Variants in GDF1 observed in about 807,000 individuals in gnomAD.
The protein encoded by GDF1 is growth differentiation factor 1, also known as embryonic growth/differentiation factor 1.
GDF1 carries 8 observed loss-of-function variants against 7.4 expected under a neutral mutation model. The observed-to-expected ratio is 1.09, with a 90% confidence interval of 0.64 to 1.96. The LOEUF (loss-of-function observed/expected upper bound fraction) is 1.96, where lower values mean the gene tolerates loss of function less well. Ranked by LOEUF, GDF1 falls within the 30% of genes most tolerant of loss-of-function variation. The pLI, the probability that GDF1 is intolerant of heterozygous loss-of-function variation, is 0.00. For synonymous variants in GDF1, 311 were observed against 276.7 expected, an observed-to-expected ratio of 1.12 and a Z score of -1.23; for missense variants, 574 against 551.5, an observed-to-expected ratio of 1.04 and a Z score of -0.41.
chr19:18,882,666 AAAGT>A (rs1277340996), intron 3 of GDF1, among the ~76,000 whole-genome samples: 1 of 150,806 alleles, frequency 6.6e-6, no homozygotes, highest in Non-Finnish European at 1.5e-5. Context: ...TAAATAAGAT[AAAGT>A]AATTTTAAAA....
chr19:18,879,110 C>T (rs534280834), intron 5 of GDF1, 71 bp from the exon 6 acceptor site: 2 of 1,588,574 alleles, frequency 1.3e-6, no homozygotes, highest in East Asian at 4.6e-5. Flanking sequence ...CAGCCATGTG[C>T]TCCTGTCCCG....
rs1404753439 is a variant in GDF1, at chr19:18,895,875, G to A, written c.-1125C>T. The A allele has an allele frequency of 7.8e-7, 1 of 1,284,808 alleles. No homozygotes were observed. 79.6% of individuals were successfully genotyped at this position (1,284,808 alleles called of 1,614,324 possible). On this transcript the variant is annotated 5_prime_UTR_variant, in exon 1 of 8. Transcript: ENST00000247005. The surrounding 1 kb of genome is among the most constrained non-coding windows in gnomAD (Gnocchi z 6.4). ...AGCGCAGGGCGGTCCAGCCCAGCGC[G>A]CCGAGCGCCAGCAGCAGCAGCTCGG...
At position 18,870,786 on chromosome 19, in the gene GDF1, C is replaced by T. The variant is rs922217779; in HGVS notation, c.-312-167G>A. 6.6e-6 allele frequency among the ~76,000 whole-genome samples: 1 copy of T among 152,128 alleles called. No individual in the cohort carries two copies. Among genetic ancestry groups the T allele is most frequent in the Non-Finnish European group, 1.5e-5 (1 of 67,996 alleles). On this transcript the variant is annotated intron_variant, in intron 6 of 7. Coordinates refer to ENST00000247005, the MANE Select transcript of GDF1 (RefSeq NM_001492.6). The surrounding 1 kb of genome is among the most constrained non-coding windows in gnomAD (Gnocchi z 5.1). The stretch of plus-strand genomic sequence containing the variant: ...TCGCCTTCACCCTGCCCCTCCTTGC[C>T]TTCACCCTGCCCCTCCTTCAACCTG...
At chr19:18,869,446 G>A (rs1023239483) in intron 7 of GDF1, 56 bp from the exon 8 acceptor site, 3 of 1,514,976 alleles carry the variant, frequency 2.0e-6, no homozygotes, top group Non-Finnish European at 2.6e-6. Flanking sequence ...CTGCCCATGG[G>A]GTCTCGGTTA....
intron 2 of GDF1, among the ~76,000 whole-genome samples, chr19:18,892,239 G>A (rs1169470307): frequency 6.6e-6 from 1 of 151,308 alleles, no homozygotes; most frequent in East Asian, 2.0e-4. Context: ...CAAGCCGAGG[G>A]GACCCTCCCA....
Position 18,870,066 on chromosome 19 carries a change from G to T in GDF1, c.242C>A (p.Thr81Lys). ...PQETRSGSRR[T>K]SPGVTLQPCH... ...CGGTTGCAGGGTGACCCCTGGGGACGTCCGCCGCGAGCCAGACCTGGTCTC... is the reference window on the plus strand; with the variant it reads ...CGGTTGCAGGGTGACCCCTGGGGACTTCCGCCGCGAGCCAGACCTGGTCTC... Residue 81 changes from threonine (T) to lysine (K), a missense_variant, in exon 7 of 8, where the codon ACG (threonine) becomes AAG (lysine). By Grantham distance (78) the Thr-to-Lys change is moderately conservative (BLOSUM62 -1). Transcript: ENST00000247005. This position sits in a 1 kb window ranked among gnomAD's most constrained non-coding sequence, Gnocchi z 5.1. 6.3e-7 allele frequency: 1 copy of T among 1,583,828 alleles called. No individual in the cohort carries two copies. The highest frequency in any genetic ancestry group is 1.8e-5 in the Admixed American group (1 of 56,460).
In GDF1 at chr19:18,878,378, C is replaced by G; in HGVS notation, c.-313+552G>C. On this transcript the variant is annotated intron_variant, in intron 6 of 7. Coordinates refer to ENST00000247005, the MANE Select transcript of GDF1 (RefSeq NM_001492.6). This position sits in a 1 kb window ranked among gnomAD's most constrained non-coding sequence, Gnocchi z 4.6. ...GGTGAGGCTCGTGGGCTATCTCCTT[C>G]CCCAGGACTCCCACCTGGGCTGGAC... 1.0e-6 allele frequency: 1 copy of G among 987,026 alleles called. No individual in the cohort carries two copies. Among genetic ancestry groups the G allele is most frequent in the African/African-American group, 1.7e-5 (1 of 57,294 alleles). The allele number at this position is 987,026 out of a possible 1,614,324, so 61.1% of individuals were successfully genotyped here.
chr19:18,895,504 C>T lies in GDF1; in HGVS notation c.-1074+320G>A, dbSNP rs2056603777. Reference sequence around the variant, plus strand: ...AAACTGACCGGAAAGGGCCGTGCCTCGGTCCCCCACGTCTCAAACATCCCA... The same window carrying T: ...AAACTGACCGGAAAGGGCCGTGCCTTGGTCCCCCACGTCTCAAACATCCCA... On this transcript the variant is annotated intron_variant, in intron 1 of 7. Transcript: ENST00000247005. The surrounding 1 kb of genome is among the most constrained non-coding windows in gnomAD (Gnocchi z 6.4). 6.6e-6 allele frequency among the ~76,000 whole-genome samples: 1 copy of T among 151,862 alleles called. No individual in the cohort carries two copies. The highest frequency in any genetic ancestry group is 2.4e-5 in the African/African-American group (1 of 41,340).
chr19:18,890,697 C>T (rs2056467617), intron 2 of GDF1, among the ~76,000 whole-genome samples: 1 of 149,516 alleles, frequency 6.7e-6, no homozygotes, highest in African/African-American at 2.5e-5. Flanking sequence ...GGGATGATTG[C>T]TTGAGCCCAG....
At chr19:18,891,501 T>C (rs2056490256) in intron 2 of GDF1, among the ~76,000 whole-genome samples, 1 of 152,090 alleles carries the variant, frequency 6.6e-6, no homozygotes, top group African/African-American at 2.4e-5. Flanking sequence ...TGCAGTCACC[T>C]CCCTGCCCAG....
intron 2 of GDF1, among the ~76,000 whole-genome samples, chr19:18,885,772 G>GC (rs1242197163): frequency 1.3e-5 from 2 of 151,850 alleles, no homozygotes; most frequent in Non-Finnish European, 2.9e-5. Context: ...GCCCGCCTCG[G>GC]CCTCCCAAAG....
chr19:18,890,084 A>T (rs1353216153), intron 2 of GDF1, among the ~76,000 whole-genome samples: 1 of 152,128 alleles, frequency 6.6e-6, no homozygotes, highest in Non-Finnish European at 1.5e-5. Flanking sequence ...CCCAGCCCAC[A>T]GATAAGTAAC....
At position 18,878,297 on chromosome 19, in the gene GDF1, C is replaced by A; in HGVS notation, c.-313+633G>T. The A allele has an allele frequency of 1.0e-6, 1 of 985,994 alleles. No individual in the cohort carries two copies. The highest frequency in any genetic ancestry group is 1.1e-4 in the East Asian group (1 of 8,794). The allele number at this position is 985,994 out of a possible 1,614,324, so 61.1% of individuals were successfully genotyped here. Reference sequence around the variant, plus strand: ...CTCCGTTCATCCCTGGCCCAGACACCCCCTGCCTGCCCCAGGCCTGGGGCT... The same window carrying A: ...CTCCGTTCATCCCTGGCCCAGACACACCCTGCCTGCCCCAGGCCTGGGGCT... On this transcript the variant is annotated intron_variant, in intron 6 of 7. Transcript: ENST00000247005. The surrounding 1 kb of genome is among the most constrained non-coding windows in gnomAD (Gnocchi z 4.6).
In GDF1 at chr19:18,880,266, C is replaced by T; in HGVS notation, c.-571+8G>A. On this transcript the variant is annotated splice_region_variant and intron_variant, in intron 4 of 7. Transcript: ENST00000247005. ...CTCCCTCCCTGCCCAGCACTCCCTA[C>T]CACTCACCAGCTGAAGCCGAAGCTG... 2 of 1,546,788 alleles carry T rather than the reference C, an allele frequency of 1.3e-6. No individual in the cohort carries two copies. The highest frequency in any genetic ancestry group is 8.7e-7 in the Non-Finnish European group (1 of 1,145,164).
intron 1 of GDF1, 79 bp from the exon 2 acceptor site, chr19:18,893,654 C>G: frequency 7.1e-7 from 1 of 1,416,462 alleles, no homozygotes. Context: ...AAACTGAGGC[C>G]CAGGGACTCC....
rs2055902662 is a variant in GDF1 at position 18,868,809 on chromosome 19, G to A, written c.907C>T (p.Pro303Ser). Residue 303 changes from proline (P) to serine (S), a missense_variant, in exon 8 of 8, where the codon CCC (proline) becomes TCC (serine). By Grantham distance (74) the Pro-to-Ser change is moderately conservative. Coordinates refer to ENST00000247005, the MANE Select transcript of GDF1 (RefSeq NM_001492.6). ...ANYCQGQCAL[P>S]VALSGSGGPP... ...CCCCCGGACCCCGACAGCGCGACGG[G>A]CAGCGCGCACTGACCCTGGCAGTAG... 1.4e-6 allele frequency: 2 copies of A among 1,455,954 alleles called. No individual in the cohort carries two copies. Among genetic ancestry groups the A allele is most frequent in the Non-Finnish European group, 9.1e-7 (1 of 1,094,074 alleles). The allele number at this position is 1,455,954 out of a possible 1,614,324, so 90.2% of individuals were successfully genotyped here. A position where few individuals can be genotyped will look rare whatever the true frequency, so the allele number is the denominator to read the frequency against.
chr19:18,871,408 G>A (rs2055968134), intron 6 of GDF1, among the ~76,000 whole-genome samples: 1 of 149,924 alleles, frequency 6.7e-6, no homozygotes, highest in African/African-American at 2.4e-5. Flanking sequence ...TTTTAGTAGA[G>A]ACAGGGTTTC....
chr19:18,892,568 C>T (rs576270619), intron 2 of GDF1, among the ~76,000 whole-genome samples: 1 of 151,982 alleles, frequency 6.6e-6, no homozygotes, highest in Non-Finnish European at 1.5e-5. Flanking sequence ...GAGCCGAGAT[C>T]GCGCCACTGC....
At chr19:18,885,174 C>T (rs898791054) in intron 2 of GDF1, among the ~76,000 whole-genome samples, 5 of 152,120 alleles carry the variant, frequency 3.3e-5, no homozygotes, top group African/African-American at 9.7e-5. Flanking sequence ...CTAATATAGA[C>T]ACATTATTAT....
Sources: allele counts gnomAD v4.1 joint callset (sites outside exome capture counted in the v4.1 genomes callset), GRCh38; gene constraint gnomAD v4.1.1; non-coding constraint Gnocchi (gnomAD v3.1); transcripts MANE v1.5; gene names NCBI Gene and HGNC (gene_info 2026-07-23, HGNC 2026-07-21).